Variants in SFMBT2 observed in about 807,000 individuals in gnomAD.
SFMBT2 encodes scm-like with four MBT domains protein 2.
In SFMBT2, 38 loss-of-function variants were observed where a neutral mutation model predicts 110.1. The observed-to-expected ratio is 0.35, with a 90% CI of 0.27 to 0.45. The LOEUF is 0.45. Among genes scored for constraint, SFMBT2 ranks in the 20% least tolerant of loss-of-function variants. The pLI is 1.00. For missense variants in SFMBT2, 1,011 were observed against 1,094.9 expected (o/e 0.92, Z 1.08); for synonymous variants, 425 against 425.4 (o/e 1.00, Z 0.01).
At chr10:7,202,794 A>G (rs2131605852) in intron 12 of SFMBT2, 1 of 985,418 alleles carries the variant, frequency 1.0e-6, no homozygotes, top group Non-Finnish European at 1.2e-6. Flanking sequence ...TTAAGAAAGC[A>G]AAAGAGTACA....
intron 4 of SFMBT2, among the ~76,000 whole-genome samples, chr10:7,365,109 G>C (rs752643434): frequency 6.6e-6 from 1 of 152,202 alleles, no homozygotes; most frequent in Non-Finnish European, 1.5e-5. Context: ...AAAAGCATGA[G>C]CATGCACTGT....
At chr10:7,393,023 ATATATATATATAAT>A (rs1845821967) in intron 1 of SFMBT2, among the ~76,000 whole-genome samples, 1 of 65,334 alleles carries the variant, frequency 1.5e-5, no homozygotes, top group East Asian at 2.7e-4. Flanking sequence ...ATATATATAT[ATATATATATATAAT>A]TTTTTTTTTT....
intron 4 of SFMBT2, among the ~76,000 whole-genome samples, chr10:7,316,606 T>A (rs1843019798): frequency 6.6e-6 from 1 of 152,216 alleles, no homozygotes; most frequent in South Asian, 2.1e-4. Context: ...GGATCCACCA[T>A]GCACAGGACA....
At position 7,221,813 on chromosome 10, in the gene SFMBT2, C is replaced by T. The variant is rs897411089; in HGVS notation, c.1204-1276G>A. 5.3e-5 allele frequency among the ~76,000 whole-genome samples: 8 copies of T among 151,790 alleles called. No homozygotes were observed. In the East Asian group the frequency reaches 7.7e-4, roughly 15 times the overall value. On this transcript the variant is annotated intron_variant, in intron 10 of 20. Coordinates refer to ENST00000397167, the MANE Select transcript of SFMBT2 (RefSeq NM_001387889.1). ...TCAGTCTTTTGGGTATACTGTTCTC[C>T]GAGGGTAGGGCTGTGAGACCAGTGA...
intron 11 of SFMBT2, among the ~76,000 whole-genome samples, chr10:7,212,336 T>C (rs988497869): frequency 2.0e-5 from 3 of 152,170 alleles, no homozygotes; most frequent in African/African-American, 7.2e-5. Flanking sequence ...ATACACATTT[T>C]ATTTCTTCCT....
At chr10:7,249,528 T>C in intron 7 of SFMBT2, 2 of 985,370 alleles carry the variant, frequency 2.0e-6, no homozygotes, top group Non-Finnish European at 2.4e-6. Flanking sequence ...AAATAAATCC[T>C]GCGATTTCCA....
intron 12 of SFMBT2, chr10:7,204,742 G>A (rs750560791): frequency 2.7e-5 from 5 of 185,070 alleles, no homozygotes; most frequent in Non-Finnish European, 4.1e-5. Context: ...GCATGGTGGC[G>A]CACGCCTGTT....
At chr10:7,317,390 C>T (rs547634466) in intron 4 of SFMBT2, among the ~76,000 whole-genome samples, 8 of 152,266 alleles carry the variant, frequency 5.3e-5, no homozygotes, top group East Asian at 3.9e-4. Flanking sequence ...CACCTGTAAT[C>T]GCAGCACTTT....
intron 9 of SFMBT2, among the ~76,000 whole-genome samples, chr10:7,240,286 C>T (rs1840389566): frequency 6.6e-6 from 1 of 152,136 alleles, no homozygotes; most frequent in South Asian, 2.1e-4. Context: ...TCATACGATA[C>T]CTACTGTACC....
chr10:7,368,625 G>A (rs1264600890), intron 3 of SFMBT2, among the ~76,000 whole-genome samples: 1 of 152,184 alleles, frequency 6.6e-6, no homozygotes, highest in African/African-American at 2.4e-5. Flanking sequence ...AAAGGGAGGT[G>A]GAAGGATTGA....
At chr10:7,321,852 T>C (rs993713322) in intron 4 of SFMBT2, among the ~76,000 whole-genome samples, 2 of 152,224 alleles carry the variant, frequency 1.3e-5, no homozygotes, top group Non-Finnish European at 2.9e-5. Context: ...GCAATGCATT[T>C]GTTAGAAAAT....
chr10:7,282,297 G>A (rs984453680), intron 6 of SFMBT2, among the ~76,000 whole-genome samples: 2 of 152,180 alleles, frequency 1.3e-5, no homozygotes, highest in Non-Finnish European at 2.9e-5. Context: ...GCTCGTGAGC[G>A]TGAGTCCCAT....
At chr10:7,217,485 G>A (rs2762586) in intron 11 of SFMBT2, among the ~76,000 whole-genome samples, 15,004 of 152,104 alleles carry the variant, frequency 0.099, 749 homozygotes, top group South Asian at 0.17. Flanking sequence ...TAAGTGGCGC[G>A]CATGTATATA....
At chr10:7,243,830 A>G (rs911605816) in intron 8 of SFMBT2, 125 bp from the exon 9 acceptor site, 1 of 635,610 alleles carries the variant, frequency 1.6e-6, no homozygotes, top group African/African-American at 1.8e-5. Flanking sequence ...TTGAATACAA[A>G]CTGGCATTTT....
At chr10:7,184,390 C>T (rs146154817) in intron 16 of SFMBT2, among the ~76,000 whole-genome samples, 1 of 152,194 alleles carries the variant, frequency 6.6e-6, no homozygotes, top group East Asian at 1.9e-4. Flanking sequence ...TTCTCATTCT[C>T]TTCTCTTGTC....
intron 4 of SFMBT2, among the ~76,000 whole-genome samples, chr10:7,354,245 G>A (rs1321692727): frequency 6.6e-6 from 1 of 152,120 alleles, no homozygotes; most frequent in African/African-American, 2.4e-5. Flanking sequence ...AAAGTAGGCA[G>A]TATATAATTC....
intron 11 of SFMBT2, among the ~76,000 whole-genome samples, chr10:7,211,546 C>CAAACACCTTCCA (rs1839349003): frequency 6.6e-6 from 1 of 152,174 alleles, no homozygotes; most frequent in Non-Finnish European, 1.5e-5. Context: ...CCTAACAGAG[C>CAAACACCTTCCA]AGCAGCCTTC....
chr10:7,286,583 T>G (rs1842096132), intron 4 of SFMBT2: 1 of 152,916 alleles, frequency 6.5e-6, no homozygotes, highest in Non-Finnish European at 1.5e-5. Context: ...TATTATTCCC[T>G]AAAAACTCCA....
chr10:7,172,239 A>C lies in SFMBT2; in HGVS notation c.2152-81T>G. 6.7e-7 allele frequency: 1 copy of C among 1,487,004 alleles called. No individual in the cohort carries two copies. Among genetic ancestry groups the C allele is most frequent in the Non-Finnish European group, 8.9e-7 (1 of 1,120,090 alleles). 92.1% of individuals were successfully genotyped at this position (1,487,004 alleles called of 1,614,324 possible). Reference sequence around the variant, plus strand: ...GGCCCCGCGGTCAGACCCTGGGCCCAGTGCAGACCACCTAGCAAACCCTCG... The same window carrying C: ...GGCCCCGCGGTCAGACCCTGGGCCCCGTGCAGACCACCTAGCAAACCCTCG... On this transcript the variant is annotated intron_variant, in intron 18 of 20. Coordinates refer to ENST00000397167, the MANE Select transcript of SFMBT2 (RefSeq NM_001387889.1). The surrounding 1 kb of genome is among the most constrained non-coding windows in gnomAD (Gnocchi z 4.6).
Sources: allele counts gnomAD v4.1 joint callset (sites outside exome capture counted in the v4.1 genomes callset), GRCh38; gene constraint gnomAD v4.1.1; non-coding constraint Gnocchi (gnomAD v3.1); transcripts MANE v1.5; gene names NCBI Gene and HGNC (gene_info 2026-07-23, HGNC 2026-07-21).